The following CSGALNACT1 variants were observed in gnomAD, a reference collection of about 807,000 sequenced individuals.
CSGALNACT1 encodes chondroitin sulfate N-acetylgalactosaminyltransferase 1.
CSGALNACT1 carries 52 observed loss-of-function variants against 51.0 expected under a neutral mutation model. The ratio of observed to expected loss-of-function variants is 1.02; its 90% CI spans 0.82 to 1.29. The LOEUF (loss-of-function observed/expected upper bound fraction) is 1.29. Among genes scored for constraint, CSGALNACT1 ranks in the 50% most tolerant of loss-of-function variants. The pLI, the probability that CSGALNACT1 is intolerant of heterozygous loss-of-function variation, is 0.00. For missense variants in CSGALNACT1, 935 were observed against 679.2 expected, an observed-to-expected ratio of 1.38 and a Z score of -4.19; for synonymous variants, 341 against 254.4, an observed-to-expected ratio of 1.34 and a Z score of -3.24.
intron 5 of CSGALNACT1, among the ~76,000 whole-genome samples, chr8:19,443,570 G>A (rs1412581455): frequency 6.6e-6 from 1 of 152,176 alleles, no homozygotes; most frequent in East Asian, 1.9e-4. Flanking sequence ...GAGAGCTTGT[G>A]CAGGGGGATT....
chr8:19,711,940 G>A (rs988165866), intron 1 of CSGALNACT1, among the ~76,000 whole-genome samples: 1 of 152,172 alleles, frequency 6.6e-6, no homozygotes, highest in Non-Finnish European at 1.5e-5. Context: ...TAAAGGTGGT[G>A]CTAAACCCAT....
intron 1 of CSGALNACT1, among the ~76,000 whole-genome samples, chr8:19,636,288 A>G (rs1322363764): frequency 6.6e-6 from 1 of 152,178 alleles, no homozygotes; most frequent in East Asian, 1.9e-4. Context: ...GTAATCTCTA[A>G]CTGTGCCTGA....
At chr8:19,697,310 G>T (rs1298871417) in intron 1 of CSGALNACT1, among the ~76,000 whole-genome samples, 1 of 152,134 alleles carries the variant, frequency 6.6e-6, no homozygotes, top group African/African-American at 2.4e-5. Context: ...AGGGTTGCAA[G>T]CAAGAGGGTC....
chr8:19,598,803 A>G (rs1044806195), intron 2 of CSGALNACT1, among the ~76,000 whole-genome samples: 1 of 152,220 alleles, frequency 6.6e-6, no homozygotes, highest in African/African-American at 2.4e-5. Context: ...CGTGCCCATA[A>G]GAAGAATGTG....
chr8:19,567,172 A>T (rs1325719263), intron 3 of CSGALNACT1, among the ~76,000 whole-genome samples: 1 of 152,216 alleles, frequency 6.6e-6, no homozygotes, highest in South Asian at 2.1e-4. Flanking sequence ...TGATGGAGTA[A>T]AAAATGGCAA....
At position 19,405,711 on chromosome 8, in the gene CSGALNACT1, C is replaced by T. The variant is rs530782051; in HGVS notation, c.*69G>A. ...GTCGTCCTTTATGGAAGTCTTTTCTCTGTTGCAGCCACTTTCAGTAATTGC... is the reference window on the plus strand; with the variant it reads ...GTCGTCCTTTATGGAAGTCTTTTCTTTGTTGCAGCCACTTTCAGTAATTGC... On this transcript the variant is annotated 3_prime_UTR_variant, in exon 10 of 10. Coordinates refer to ENST00000454498, the Ensembl canonical transcript of CSGALNACT1. 108 of 1,596,460 alleles carry T rather than the reference C, an allele frequency of 6.8e-5. 3 individuals carry two copies. In the South Asian group the frequency reaches 8.4e-4, roughly 12 times the overall value.
chr8:19,728,012 T>C (rs1175984776), intron 1 of CSGALNACT1, among the ~76,000 whole-genome samples: 1 of 152,204 alleles, frequency 6.6e-6, no homozygotes, highest in South Asian at 2.1e-4. Flanking sequence ...ACTGGAGTTC[T>C]ACGCGCGATG....
intron 3 of CSGALNACT1, among the ~76,000 whole-genome samples, chr8:19,584,290 A>G (rs1047978826): frequency 6.6e-6 from 1 of 152,174 alleles, no homozygotes; most frequent in Non-Finnish European, 1.5e-5. Context: ...AGGCAATGTT[A>G]TTGGTACTCT....
chr8:19,722,711 G>C (rs1190418578), intron 1 of CSGALNACT1, among the ~76,000 whole-genome samples: 2 of 152,172 alleles, frequency 1.3e-5, no homozygotes, highest in Non-Finnish European at 2.9e-5. Flanking sequence ...CTCTCACCGA[G>C]GGCAGGGTCA....
rs1230026576 is a variant in CSGALNACT1, at chr8:19,575,446, G to C, written c.-297+15714C>G. On this transcript the variant is annotated intron_variant, in intron 3 of 9. Transcript: ENST00000454498. Reference sequence around the variant, plus strand: ...TTCTAAATCTACCTACTAGCTTGCAGGTAATACCAGAGATAGAGAAACACA... The same window carrying C: ...TTCTAAATCTACCTACTAGCTTGCACGTAATACCAGAGATAGAGAAACACA... 2.0e-5 allele frequency among the ~76,000 whole-genome samples: 3 copies of C among 152,154 alleles called. No homozygotes were observed. In the East Asian group the frequency reaches 5.8e-4, roughly 29 times the overall value.
In CSGALNACT1 at chr8:19,568,006, T is replaced by C. The variant is rs182116548; in HGVS notation, c.-297+23154A>G. ...TCTCTAAAAGTAGCTCAGGTATGTA[T>C]ATATGTTTTAGTCTCAACAAATGAA... is the stretch of plus-strand genomic sequence containing the variant. On this transcript the variant is annotated intron_variant, in intron 3 of 9. Transcript: ENST00000454498. Among the ~76,000 whole-genome samples, 144 of 151,940 alleles carry C rather than the reference T, an allele frequency of 9.5e-4. 1 individual carries two copies. The highest frequency in any genetic ancestry group is 5.3e-4 in the Non-Finnish European group (36 of 68,014).
exon 1 of CSGALNACT1, chr8:19,602,291 C>G (rs1232047244): frequency 6.4e-6 from 1 of 156,498 alleles, no homozygotes; most frequent in Admixed American, 6.4e-5. Context: ...TGCTGCCCCC[C>G]TCTGCAAGGA....
intron 3 of CSGALNACT1, among the ~76,000 whole-genome samples, chr8:19,527,009 T>C (rs143343446): frequency 5.7e-4 from 87 of 152,300 alleles, no homozygotes; most frequent in African/African-American, 2.0e-3. Flanking sequence ...TCACTACATA[T>C]CTACCCACCT....
intron 2 of CSGALNACT1, among the ~76,000 whole-genome samples, chr8:19,597,265 GGGCTGCCTC>G (rs1211552892): frequency 6.8e-6 from 1 of 147,334 alleles, no homozygotes; most frequent in Non-Finnish European, 1.5e-5. Flanking sequence ...TATTGGGTTG[GGGCTGCCTC>G]TATCTTCTTT....
At chr8:19,419,628 A>G (rs2057559860) in intron 7 of CSGALNACT1, among the ~76,000 whole-genome samples, 2 of 152,160 alleles carry the variant, frequency 1.3e-5, no homozygotes, top group African/African-American at 4.8e-5. Flanking sequence ...GTAACTGCCC[A>G]AAGGTACTCC....
chr8:19,548,397 C>G (rs1028607875), intron 3 of CSGALNACT1, among the ~76,000 whole-genome samples: 1 of 152,030 alleles, frequency 6.6e-6, no homozygotes, highest in Non-Finnish European at 1.5e-5. Context: ...TCATATGAGA[C>G]TAAAAAATAG....
chr8:19,645,667 G>C (rs1193960711), intron 1 of CSGALNACT1, among the ~76,000 whole-genome samples: 4 of 152,218 alleles, frequency 2.6e-5, no homozygotes, highest in African/African-American at 4.8e-5. Context: ...TGAAAGACTG[G>C]ACTCCTGGGT....
chr8:19,625,645 C>T (rs1181826484), intron 1 of CSGALNACT1, among the ~76,000 whole-genome samples: 3 of 152,156 alleles, frequency 2.0e-5, no homozygotes, highest in Admixed American at 1.3e-4. Flanking sequence ...TATACTATAG[C>T]GGATCATGCT....
At chr8:19,635,203 C>T (rs373355185) in intron 1 of CSGALNACT1, among the ~76,000 whole-genome samples, 37 of 152,186 alleles carry the variant, frequency 2.4e-4, no homozygotes, top group African/African-American at 7.5e-4. Context: ...GACAGCTACC[C>T]GTCCTCTCCT....
Sources: allele counts gnomAD v4.1 joint callset (sites outside exome capture counted in the v4.1 genomes callset), GRCh38; gene constraint gnomAD v4.1.1; transcripts MANE v1.5; gene names NCBI Gene and HGNC (gene_info 2026-07-23, HGNC 2026-07-21).